BLTP1: variants seen among roughly 807,000 people sequenced by gnomAD.
The protein encoded by BLTP1 is fragile site-associated protein.
At chr4:122,354,369 CTAAA>C in the BLTP1 span, among the ~76,000 whole-genome samples, 1 of 151,704 alleles carries the variant, frequency 6.6e-6, no homozygotes, top group South Asian at 2.1e-4. Context: ...TGTTACACAA[CTAAA>C]TAAAGGAATA....
chr4:122,187,348 G>A, the BLTP1 span: 3 of 1,554,144 alleles, frequency 1.9e-6, no homozygotes, highest in Non-Finnish European at 1.7e-6. Flanking sequence ...GAAACTGTGA[G>A]GTATGGTATT....
At chr4:122,317,673 CTAT>C in the BLTP1 span, among the ~76,000 whole-genome samples, 1 of 151,296 alleles carries the variant, frequency 6.6e-6, no homozygotes, top group Admixed American at 6.6e-5. Flanking sequence ...CCTTACACAA[CTAT>C]ATGCATTTTG....
the BLTP1 span, chr4:122,236,929 T>A: frequency 1.0e-6 from 1 of 985,096 alleles, no homozygotes; most frequent in East Asian, 1.1e-4. Flanking sequence ...AGGAATGGAG[T>A]ACAGATGCAG....
chr4:122,277,014 G>A, the BLTP1 span: 1 of 983,606 alleles, frequency 1.0e-6, no homozygotes, highest in Non-Finnish European at 1.2e-6. Context: ...TATGAAATAT[G>A]TATTTTGTGT....
the BLTP1 span, chr4:122,346,041 T>C: frequency 1.0e-6 from 1 of 983,276 alleles, no homozygotes; most frequent in African/African-American, 1.7e-5. Flanking sequence ...GGTATCGCTA[T>C]GTAGGTATGG....
the BLTP1 span, chr4:122,243,459 G>C: frequency 1.0e-6 from 1 of 984,256 alleles, no homozygotes; most frequent in Non-Finnish European, 1.2e-6. Context: ...GTCAAGTCCA[G>C]GCCAGGCATG....
the BLTP1 span, chr4:122,175,703 A>C: frequency 1.8e-6 from 1 of 560,548 alleles, no homozygotes; most frequent in South Asian, 2.5e-5. Context: ...TGTTCACGAA[A>C]AGATGTGTGT....
the BLTP1 span, among the ~76,000 whole-genome samples, chr4:122,321,309 T>A: frequency 4.6e-5 from 7 of 152,116 alleles, no homozygotes; most frequent in South Asian, 8.3e-4. Flanking sequence ...GGGAGTACCT[T>A]AAAACAAAAT....
At chr4:122,333,631 G>A in the BLTP1 span, 5 of 1,596,740 alleles carry the variant, frequency 3.1e-6, no homozygotes, top group Non-Finnish European at 4.3e-6. Context: ...GTTCACAGGA[G>A]TTATGATCGA....
At chr4:122,289,392 C>T in the BLTP1 span, 1 of 625,690 alleles carries the variant, frequency 1.6e-6, no homozygotes, top group African/African-American at 2.0e-5. Context: ...ATAATATACA[C>T]ATTTAAGATT....
the BLTP1 span, among the ~76,000 whole-genome samples, chr4:122,203,035 A>G: frequency 6.8e-3 from 1,037 of 152,154 alleles, 11 homozygotes; most frequent in African/African-American, 0.024. Flanking sequence ...AAATAACTGT[A>G]GAGTCCTTTT....
chr4:122,354,801 G>C, the BLTP1 span, among the ~76,000 whole-genome samples: 10 of 151,608 alleles, frequency 6.6e-5, no homozygotes, highest in Admixed American at 6.6e-4. Flanking sequence ...TGAGTAGCTG[G>C]GATTACAGGT....
chr4:122,336,085 C>A, the BLTP1 span: 1 of 757,892 alleles, frequency 1.3e-6, no homozygotes, highest in Non-Finnish European at 2.1e-6. Flanking sequence ...TCTTGTAAGG[C>A]CTTAAATGTG....
At chr4:122,312,246 G>T in the BLTP1 span, among the ~76,000 whole-genome samples, 3 of 152,084 alleles carry the variant, frequency 2.0e-5, no homozygotes, top group African/African-American at 7.2e-5. Flanking sequence ...ATGTTGCCCA[G>T]GCTGGTCATG....
At chr4:122,268,711 G>A in the BLTP1 span, among the ~76,000 whole-genome samples, 1 of 152,042 alleles carries the variant, frequency 6.6e-6, no homozygotes, top group African/African-American at 2.4e-5. Flanking sequence ...TCCCTCATTT[G>A]ATTATTCATT....
chr4:122,154,523 G>A, the BLTP1 span: 15 of 975,574 alleles, frequency 1.5e-5, no homozygotes, highest in Non-Finnish European at 1.8e-5. Flanking sequence ...TCAAAATTCT[G>A]TTCTCTCTTT....
At chr4:122,304,926 G>A in the BLTP1 span, 1 of 1,613,964 alleles carries the variant, frequency 6.2e-7, no homozygotes, top group African/African-American at 1.3e-5. Context: ...ATCTGAAACT[G>A]TTTGGCAAAT....
the BLTP1 span, among the ~76,000 whole-genome samples, chr4:122,291,364 G>A: frequency 6.6e-6 from 1 of 152,164 alleles, no homozygotes; most frequent in African/African-American, 2.4e-5. Context: ...TATTGAGAGG[G>A]AATACTTTGA....
the BLTP1 span, chr4:122,260,014 G>A: frequency 3.3e-6 from 2 of 610,370 alleles, no homozygotes; most frequent in Non-Finnish European, 4.1e-6. Context: ...CAGGGATGAT[G>A]CATTCTGAGA....
Sources: allele counts gnomAD v4.1 joint callset (sites outside exome capture counted in the v4.1 genomes callset), GRCh38; gene constraint gnomAD v4.1.1; transcripts MANE v1.5; gene names NCBI Gene and HGNC (gene_info 2026-07-23, HGNC 2026-07-21).